The following LRRN2 variants were observed in gnomAD, a reference collection of about 807,000 sequenced individuals.
LRRN2 encodes the protein leucine rich repeat neuronal 2.
A neutral mutation model predicts 35.7 loss-of-function variants in LRRN2; 10 were observed. The observed-to-expected ratio is 0.28, with a 90% CI of 0.17 to 0.47. The LOEUF (loss-of-function observed/expected upper bound fraction) is 0.47. Ranked by LOEUF, LRRN2 falls within the 20% of genes least tolerant of loss-of-function variation. LRRN2 has a pLI of 0.99. For missense variants in LRRN2, 731 were observed against 940.3 expected (o/e 0.78, Z 2.91); for synonymous variants, 391 against 409.6 (o/e 0.95, Z 0.55).
At chr1:204,665,967 G>A (rs1270702483) in intron 1 of LRRN2, among the ~76,000 whole-genome samples, 4 of 152,330 alleles carry the variant, frequency 2.6e-5, no homozygotes, top group East Asian at 1.9e-4. Flanking sequence ...TGCAGACTGC[G>A]TTGGCACAGC....
chr1:204,631,258 ATATATATATATATATATATATATATAT>A (rs1558407654), intron 1 of LRRN2, among the ~76,000 whole-genome samples: 1,140 of 39,006 alleles, frequency 0.029, 175 homozygotes, highest in African/African-American at 0.099. Context: ...AGAGTGTTCT[ATATATATATATATATATATATATATAT>A]ATATATATAT....
chr1:204,635,485 G>C (rs78822048), intron 1 of LRRN2, among the ~76,000 whole-genome samples: 2,252 of 152,234 alleles, frequency 0.015, 54 homozygotes, highest in African/African-American at 0.052. Flanking sequence ...CTGCTGCAGG[G>C]TTTAAGGGAG....
At chr1:204,684,572 C>G (rs879847171) in intron 1 of LRRN2, among the ~76,000 whole-genome samples, 5 of 152,298 alleles carry the variant, frequency 3.3e-5, no homozygotes, top group Non-Finnish European at 2.9e-5. Context: ...CCTGCGCCAC[C>G]CTTTGCCAGC....
chr1:204,617,810 T>C lies in LRRN2; in HGVS notation c.*41A>G, dbSNP rs937491548. On this transcript the variant is annotated 3_prime_UTR_variant, in exon 2 of 2. Transcript: ENST00000367177. The stretch of plus-strand genomic sequence containing the variant: ...AGACTGCTTCTCTTTTGGTAAAAAG[T>C]AGTCCTAGTGATTTCTCTACTGCTG... 5.6e-6 allele frequency: 9 copies of C among 1,604,864 alleles called. No individual in the cohort carries two copies. In the African/African-American group the frequency reaches 1.1e-4, roughly 19 times the overall value.
chr1:204,682,971 G>T (rs1668986773), intron 1 of LRRN2: 1 of 152,258 alleles, frequency 6.6e-6, no homozygotes, highest in African/African-American at 2.4e-5. Context: ...AGACATGGAG[G>T]TTTGTTTACC....
intron 1 of LRRN2, among the ~76,000 whole-genome samples, chr1:204,667,944 G>A (rs752305170): frequency 4.6e-5 from 7 of 152,170 alleles, no homozygotes; most frequent in South Asian, 2.1e-4. Context: ...GAGCTCGCAC[G>A]TTATCCTCCT....
At chr1:204,632,382 GCAC>G (rs1242313226) in intron 1 of LRRN2, among the ~76,000 whole-genome samples, 1 of 151,950 alleles carries the variant, frequency 6.6e-6, no homozygotes, top group East Asian at 1.9e-4. Flanking sequence ...TGTAATCCCA[GCAC>G]TTTGGGAGGC....
intron 1 of LRRN2, among the ~76,000 whole-genome samples, chr1:204,650,906 CAA>C (rs1222907805): frequency 6.6e-6 from 1 of 152,178 alleles, no homozygotes; most frequent in Non-Finnish European, 1.5e-5. Flanking sequence ...GATGGGGCTC[CAA>C]AGACTCCCAC....
At chr1:204,647,703 G>T (rs1422880618) in intron 1 of LRRN2, among the ~76,000 whole-genome samples, 1 of 152,180 alleles carries the variant, frequency 6.6e-6, no homozygotes, top group African/African-American at 2.4e-5. Flanking sequence ...TTTATGCGGA[G>T]TCACTCTATG....
At chr1:204,626,332 G>C (rs982819741) in intron 1 of LRRN2, among the ~76,000 whole-genome samples, 13 of 151,926 alleles carry the variant, frequency 8.6e-5, no homozygotes, top group African/African-American at 2.9e-4. Context: ...GCCTTGTCCT[G>C]TACGGTGGCC....
chr1:204,652,088 C>T lies in LRRN2; in HGVS notation c.-226-31870G>A, dbSNP rs1049528521. ...TTGAAGCCGTCTTTAATTAGTGAGA[C>T]AATAGGAGGCTGGGAAGCAGAGAAG... On this transcript the variant is annotated intron_variant, in intron 1 of 1. Transcript: ENST00000367177. Among the ~76,000 whole-genome samples, 3 of 152,300 alleles carry T rather than the reference C, an allele frequency of 2.0e-5. No individual in the cohort carries two copies. The East Asian group carries it at 5.8e-4, about 29-fold the overall frequency.
intron 1 of LRRN2, among the ~76,000 whole-genome samples, chr1:204,655,678 T>C (rs1668334053): frequency 6.6e-6 from 1 of 152,090 alleles, no homozygotes; most frequent in African/African-American, 2.4e-5. Context: ...TTCCATGTAT[T>C]TTCTCTGCCA....
At chr1:204,623,005 C>G (rs1667029238) in intron 1 of LRRN2, among the ~76,000 whole-genome samples, 1 of 152,154 alleles carries the variant, frequency 6.6e-6, no homozygotes, top group African/African-American at 2.4e-5. Context: ...GGTTCTCCAG[C>G]TATAGGACTT....
At chr1:204,657,459 T>C (rs1000479885) in intron 1 of LRRN2, among the ~76,000 whole-genome samples, 1 of 152,014 alleles carries the variant, frequency 6.6e-6, no homozygotes, top group African/African-American at 2.4e-5. Flanking sequence ...GAAAACATGC[T>C]AAGTGGAAGA....
At chr1:204,624,907 C>T (rs535964626) in intron 1 of LRRN2, among the ~76,000 whole-genome samples, 4 of 152,304 alleles carry the variant, frequency 2.6e-5, no homozygotes, top group South Asian at 4.1e-4. Context: ...TGATAAACTC[C>T]GGCCTCCTCA....
At chr1:204,659,014 T>C (rs1668415288) in intron 1 of LRRN2, among the ~76,000 whole-genome samples, 1 of 152,208 alleles carries the variant, frequency 6.6e-6, no homozygotes, top group African/African-American at 2.4e-5. Flanking sequence ...CCAACCTCAG[T>C]CTGACATGAA....
intron 1 of LRRN2, among the ~76,000 whole-genome samples, chr1:204,674,746 C>G (rs977073792): frequency 6.6e-6 from 1 of 152,152 alleles, no homozygotes. Context: ...CACCTGGTGA[C>G]CAGTTCCAGG....
intron 1 of LRRN2, among the ~76,000 whole-genome samples, chr1:204,642,826 G>A (rs1482666761): frequency 6.6e-6 from 1 of 152,212 alleles, no homozygotes; most frequent in African/African-American, 2.4e-5. Context: ...CTGAGGGTGA[G>A]AGGGAGGAGG....
In LRRN2 at chr1:204,617,192, C is replaced by T. The variant is rs1275486519; in HGVS notation, c.*659G>A. The T allele has an allele frequency of 4.6e-5, 7 of 152,456 alleles. No homozygotes were observed. Among genetic ancestry groups the T allele is most frequent in the Admixed American group, 4.6e-4 (7 of 15,318 alleles). The allele number at this position is 152,456 out of a possible 1,614,324, so 9.4% of individuals were successfully genotyped here. A position where few individuals can be genotyped will look rare whatever the true frequency, so the allele number is the denominator to read the frequency against. On this transcript the variant is annotated 3_prime_UTR_variant, in exon 2 of 2. Coordinates refer to ENST00000367177, the MANE Select transcript of LRRN2 (RefSeq NM_201630.2). ...GGATTATTTTCCTTTCGTTCCTTTC[C>T]CCCGTATTATTGTTATTATTTATTT...
Sources: allele counts gnomAD v4.1 joint callset (sites outside exome capture counted in the v4.1 genomes callset), GRCh38; gene constraint gnomAD v4.1.1; transcripts MANE v1.5; gene names NCBI Gene and HGNC (gene_info 2026-07-23, HGNC 2026-07-21).